PLXNA2: variants seen among roughly 807,000 people sequenced by gnomAD.
The protein encoded by PLXNA2 is plexin-A2.
PLXNA2 carries 91 observed loss-of-function variants against 193.5 expected under a neutral mutation model. That is an observed-to-expected ratio of 0.47 (90% CI 0.40 to 0.56). PLXNA2 has a LOEUF of 0.56. Ranked by LOEUF, PLXNA2 falls within the 20% of genes least tolerant of loss-of-function variation. The pLI is 0.00. For synonymous variants in PLXNA2, 997 were observed against 1,027.3 expected (o/e 0.97, Z 0.56); for missense variants, 1,995 against 2,503.2 (o/e 0.80, Z 4.33).
intron 3 of PLXNA2, among the ~76,000 whole-genome samples, chr1:208,192,911 A>G (rs1670230850): frequency 6.6e-6 from 1 of 152,062 alleles, no homozygotes; most frequent in Non-Finnish European, 1.5e-5. Context: ...AAAGAAAAAA[A>G]AAAAAACCAT....
At chr1:208,240,109 C>A (rs1325821803) in intron 1 of PLXNA2, among the ~76,000 whole-genome samples, 1 of 152,238 alleles carries the variant, frequency 6.6e-6, no homozygotes, top group Non-Finnish European at 1.5e-5. Flanking sequence ...TCTTTCAGCT[C>A]TGTGCCCTTC....
chr1:208,127,369 A>T (rs1668006968), intron 4 of PLXNA2, among the ~76,000 whole-genome samples: 1 of 152,276 alleles, frequency 6.6e-6, no homozygotes, highest in Non-Finnish European at 1.5e-5. Context: ...TCCTGCAGCC[A>T]ATCAAGACAT....
At chr1:208,108,845 T>G (rs1310929249) in intron 4 of PLXNA2, among the ~76,000 whole-genome samples, 3 of 151,922 alleles carry the variant, frequency 2.0e-5, no homozygotes, top group Non-Finnish European at 4.4e-5. Context: ...GGACAGAGAG[T>G]GGCAGCTCAC....
At chr1:208,207,099 G>A (rs1023054330) in intron 3 of PLXNA2, among the ~76,000 whole-genome samples, 7 of 152,256 alleles carry the variant, frequency 4.6e-5, no homozygotes, top group Non-Finnish European at 1.0e-4. Flanking sequence ...TCCACCTCCT[G>A]GGTTCAAGCG....
intron 3 of PLXNA2, among the ~76,000 whole-genome samples, chr1:208,173,695 GCT>G (rs1385336219): frequency 6.6e-6 from 1 of 152,224 alleles, no homozygotes; most frequent in South Asian, 2.1e-4. Context: ...GGCTGTGCAT[GCT>G]GAGCCTGTCT....
intron 1 of PLXNA2, among the ~76,000 whole-genome samples, chr1:208,235,428 T>A (rs1159576089): frequency 6.6e-6 from 1 of 151,966 alleles, no homozygotes; most frequent in Non-Finnish European, 1.5e-5. Flanking sequence ...TTTTTCCAAC[T>A]TTCCTAACAC....
At chr1:208,169,397 A>G (rs1669420344) in intron 3 of PLXNA2, among the ~76,000 whole-genome samples, 1 of 152,234 alleles carries the variant, frequency 6.6e-6, no homozygotes, top group Admixed American at 6.5e-5. Flanking sequence ...TGTGGGCATA[A>G]CTTTAACTCG....
chr1:208,234,940 T>C (rs2102643965), intron 1 of PLXNA2, among the ~76,000 whole-genome samples: 1 of 152,286 alleles, frequency 6.6e-6, no homozygotes, highest in East Asian at 1.9e-4. Context: ...ATCCACTATG[T>C]GGGCCTGGGT....
chr1:208,116,143 C>A (rs1025849668), intron 4 of PLXNA2, among the ~76,000 whole-genome samples: 1 of 152,216 alleles, frequency 6.6e-6, no homozygotes, highest in African/African-American at 2.4e-5. Context: ...ATCCTCCCCT[C>A]TCCCGCTCAT....
At chr1:208,127,499 A>T (rs904690007) in intron 4 of PLXNA2, among the ~76,000 whole-genome samples, 4 of 152,236 alleles carry the variant, frequency 2.6e-5, no homozygotes, top group Admixed American at 6.5e-5. Flanking sequence ...CCCTATTCCC[A>T]ACAGCCACCC....
intron 12 of PLXNA2, among the ~76,000 whole-genome samples, chr1:208,065,712 T>C (rs1050901558): frequency 6.6e-6 from 1 of 152,174 alleles, no homozygotes; most frequent in Admixed American, 6.5e-5. Flanking sequence ...GTTTGGAGAA[T>C]GCCCGAAGCC....
Position 208,044,364 on chromosome 1 carries a change from T to C in PLXNA2, c.3874+144A>G. On this transcript the variant is annotated intron_variant, in intron 20 of 31. Coordinates refer to ENST00000367033, the MANE Select transcript of PLXNA2 (RefSeq NM_025179.4). The surrounding 1 kb of genome is among the most constrained non-coding windows in gnomAD (Gnocchi z 4.9). ...TCTCTGACCCTATAAGCAAAAGAAG[T>C]TCTGGGAAAACAGGGGTGAAAGTGG... 1.5e-6 allele frequency: 1 copy of C among 655,658 alleles called. No homozygotes were observed. The highest frequency in any genetic ancestry group is 2.7e-6 in the Non-Finnish European group (1 of 373,232). The allele number at this position is 655,658 out of a possible 1,614,324, so 40.6% of individuals were successfully genotyped here.
intron 22 of PLXNA2, among the ~76,000 whole-genome samples, chr1:208,041,414 A>C (rs1664865562): frequency 6.6e-6 from 1 of 152,216 alleles, no homozygotes; most frequent in Non-Finnish European, 1.5e-5. Flanking sequence ...GCCAGGAAAA[A>C]TGCAGTGGGC....
chr1:208,203,828 AAAG>A (rs1365825370), intron 3 of PLXNA2, among the ~76,000 whole-genome samples: 1 of 152,212 alleles, frequency 6.6e-6, no homozygotes, highest in Admixed American at 6.5e-5. Context: ...AGGAAGATGA[AAAG>A]AACCACGGAA....
intron 4 of PLXNA2, among the ~76,000 whole-genome samples, chr1:208,119,095 A>G (rs763355695): frequency 9.9e-5 from 15 of 152,168 alleles, no homozygotes; most frequent in Non-Finnish European, 2.1e-4. Flanking sequence ...ATTCCAGGGC[A>G]TGTGGGGATG....
chr1:208,086,948 ACTCTCTCTCTCT>A (rs59683728), intron 9 of PLXNA2, among the ~76,000 whole-genome samples: 2 of 134,592 alleles, frequency 1.5e-5, no homozygotes, highest in Non-Finnish European at 3.2e-5. Context: ...TCTCTCTCGC[ACTCTCTCTCTCT>A]CTCTCTCTCT....
intron 4 of PLXNA2, among the ~76,000 whole-genome samples, chr1:208,130,965 G>A (rs1285167443): frequency 6.6e-6 from 1 of 152,196 alleles, no homozygotes; most frequent in Admixed American, 6.5e-5. Flanking sequence ...AAATCAAAAA[G>A]TGGTGGTCAG....
intron 20 of PLXNA2, 141 bp from the exon 21 acceptor site, chr1:208,043,344 G>A (rs562411578): frequency 8.5e-6 from 6 of 701,934 alleles, no homozygotes; most frequent in South Asian, 2.1e-5. Context: ...TCCAGAGGGC[G>A]GGGCTACTCC....
intron 1 of PLXNA2, among the ~76,000 whole-genome samples, chr1:208,218,690 T>C (rs1033246975): frequency 3.3e-5 from 5 of 152,160 alleles, no homozygotes; most frequent in African/African-American, 1.2e-4. Flanking sequence ...AAGGGAAAAA[T>C]GTTGTAGCCA....
Sources: gnomAD v4.1 joint callset for allele counts (sites outside exome capture counted in the v4.1 genomes callset) on GRCh38, gnomAD v4.1.1 for gene constraint, Gnocchi (gnomAD v3.1) non-coding constraint, MANE v1.5 for transcripts, NCBI Gene and HGNC (gene_info 2026-07-23, HGNC 2026-07-21) for gene names.